GNAQ: variants seen among roughly 807,000 people sequenced by gnomAD.
GNAQ encodes the protein G protein subunit alpha q.
GNAQ carries 8 observed loss-of-function variants against 43.9 expected under a neutral mutation model. That is an observed-to-expected ratio of 0.18 (90% CI 0.11 to 0.33). GNAQ has a LOEUF of 0.33. Among genes scored for constraint, GNAQ ranks in the 10% least tolerant of loss-of-function variants. GNAQ has a pLI of 1.00. For missense variants in GNAQ, 158 were observed against 450.8 expected, an observed-to-expected ratio of 0.35 and a Z score of 5.88; for synonymous variants, 155 against 170.7, an observed-to-expected ratio of 0.91 and a Z score of 0.71.
chr9:77,818,743 T>A (rs1022606801), intron 2 of GNAQ, among the ~76,000 whole-genome samples: 2 of 152,150 alleles, frequency 1.3e-5, no homozygotes, highest in African/African-American at 4.8e-5. Flanking sequence ...CTCATGCCTG[T>A]AATCCTAGCA....
intron 5 of GNAQ, among the ~76,000 whole-genome samples, chr9:77,792,753 A>C (rs1826595566): frequency 6.6e-6 from 1 of 152,280 alleles, no homozygotes; most frequent in Non-Finnish European, 1.5e-5. Context: ...TCTAGCTATA[A>C]TGTAAACATC....
chr9:77,851,039 G>T (rs1827668459), intron 2 of GNAQ, among the ~76,000 whole-genome samples: 1 of 152,150 alleles, frequency 6.6e-6, no homozygotes, highest in Admixed American at 6.5e-5. Context: ...GGAAAAAAAA[G>T]ATGTCACCCA....
intron 1 of GNAQ, among the ~76,000 whole-genome samples, chr9:77,934,327 G>A (rs922289111): frequency 4.6e-5 from 7 of 152,082 alleles, no homozygotes; most frequent in African/African-American, 1.4e-4. Flanking sequence ...AATTTCTCAC[G>A]AGAACGTCAC....
chr9:77,945,956 T>C (rs1368098814), intron 1 of GNAQ, among the ~76,000 whole-genome samples: 1 of 152,214 alleles, frequency 6.6e-6, no homozygotes, highest in Non-Finnish European at 1.5e-5. Flanking sequence ...CCACACTTCC[T>C]GAATTGCAGG....
intron 1 of GNAQ, among the ~76,000 whole-genome samples, chr9:77,934,575 A>G (rs1829204676): frequency 6.6e-6 from 1 of 152,200 alleles, no homozygotes; most frequent in African/African-American, 2.4e-5. Context: ...AAAAATACGC[A>G]GATTTTCAGA....
chr9:77,997,927 T>C (rs1823593969), intron 1 of GNAQ, among the ~76,000 whole-genome samples: 1 of 152,200 alleles, frequency 6.6e-6, no homozygotes, highest in African/African-American at 2.4e-5. Context: ...CCACATCAGG[T>C]GCCTTGGGCC....
chr9:77,813,344 T>A lies in GNAQ; in HGVS notation c.476+2272A>T, dbSNP rs1481889138. The stretch of plus-strand genomic sequence containing the variant: ...GCTAGAGGGCCCCACGTTTTGGTCT[T>A]GCTTTATCGTAAGGAGTGTGCCCGT... On this transcript the variant is annotated intron_variant, in intron 3 of 6. Coordinates refer to ENST00000286548, the MANE Select transcript of GNAQ (RefSeq NM_002072.5). 2.0e-5 allele frequency among the ~76,000 whole-genome samples: 3 copies of A among 152,206 alleles called. No homozygotes were observed. In the East Asian group the frequency reaches 5.8e-4, roughly 29 times the overall value.
At chr9:77,727,273 C>G (rs1309762045) in intron 6 of GNAQ, among the ~76,000 whole-genome samples, 2 of 152,096 alleles carry the variant, frequency 1.3e-5, no homozygotes, top group Admixed American at 6.5e-5. Flanking sequence ...TCACCTCAGT[C>G]TCCCAAAGTG....
intron 5 of GNAQ, among the ~76,000 whole-genome samples, chr9:77,792,052 A>T (rs1587918441): frequency 1.6e-5 from 2 of 127,160 alleles, no homozygotes; most frequent in Non-Finnish European, 3.7e-5. Context: ...ATGAGACTAC[A>T]TCCCAACATT....
At chr9:77,997,408 GCT>G (rs1259942170) in intron 1 of GNAQ, among the ~76,000 whole-genome samples, 4 of 152,128 alleles carry the variant, frequency 2.6e-5, no homozygotes, top group Admixed American at 2.6e-4. Flanking sequence ...GTGACCTCCA[GCT>G]CCAACTTCCT....
chr9:77,780,166 T>A (rs1303654721), intron 5 of GNAQ, among the ~76,000 whole-genome samples: 1 of 151,940 alleles, frequency 6.6e-6, no homozygotes, highest in Admixed American at 6.6e-5. Flanking sequence ...TTTCAAAATA[T>A]ATAACATTTT....
intron 5 of GNAQ, among the ~76,000 whole-genome samples, chr9:77,737,887 C>A (rs1440016472): frequency 1.3e-5 from 2 of 152,156 alleles, no homozygotes; most frequent in African/African-American, 2.4e-5. Context: ...TTGCTCAGGT[C>A]CGCTTAGTAT....
chr9:77,836,840 T>C (rs1341623855), intron 2 of GNAQ, among the ~76,000 whole-genome samples: 1 of 152,212 alleles, frequency 6.6e-6, no homozygotes, highest in East Asian at 1.9e-4. Flanking sequence ...TATGTTTAAA[T>C]AGTTGACAGT....
chr9:78,024,668 G>C (rs895292090), intron 1 of GNAQ, among the ~76,000 whole-genome samples: 1 of 152,158 alleles, frequency 6.6e-6, no homozygotes, highest in Non-Finnish European at 1.5e-5. Flanking sequence ...GTCAGTACGA[G>C]GACATCAGCT....
rs143933481 is a variant in GNAQ, at chr9:77,871,764, A to G, written c.321+50397T>C. Among the ~76,000 whole-genome samples, 32 of 152,230 alleles carry G rather than the reference A, an allele frequency of 2.1e-4. No homozygotes were observed. The East Asian group carries it at 5.8e-3, about 28-fold the overall frequency. ...ATCACTTTTTTCTGATCTATAATAGAATTGCAGAATTTTACTACCTAAGTG... is the reference window on the plus strand; with the variant it reads ...ATCACTTTTTTCTGATCTATAATAGGATTGCAGAATTTTACTACCTAAGTG... On this transcript the variant is annotated intron_variant, in intron 2 of 6. Transcript: ENST00000286548.
intron 1 of GNAQ, among the ~76,000 whole-genome samples, chr9:78,000,378 G>C (rs1823628933): frequency 6.6e-6 from 1 of 152,148 alleles, no homozygotes; most frequent in African/African-American, 2.4e-5. Context: ...ATATCATTAA[G>C]AAAGATTATG....
chr9:77,927,580 A>T (rs1201095050), intron 1 of GNAQ, among the ~76,000 whole-genome samples: 1 of 152,146 alleles, frequency 6.6e-6, no homozygotes, highest in East Asian at 1.9e-4. Context: ...CTCTGAAGAA[A>T]AAAAAGGGGG....
At chr9:78,008,602 TTCATTTCATTTCA>T (rs1158290341) in intron 1 of GNAQ, among the ~76,000 whole-genome samples, 5 of 146,428 alleles carry the variant, frequency 3.4e-5, no homozygotes, top group African/African-American at 1.4e-4. Flanking sequence ...TTCATTTCAT[TTCATTTCATTTCA>T]TTTCATTTTA....
At chr9:77,736,188 C>T (rs969239678) in intron 5 of GNAQ, among the ~76,000 whole-genome samples, 20 of 152,280 alleles carry the variant, frequency 1.3e-4, no homozygotes, top group Middle Eastern at 3.4e-3. Context: ...ATTTTCCTTA[C>T]GTAGAGAATG....
Sources: allele counts gnomAD v4.1 joint callset (sites outside exome capture counted in the v4.1 genomes callset), GRCh38; gene constraint gnomAD v4.1.1; transcripts MANE v1.5; gene names NCBI Gene and HGNC (gene_info 2026-07-23, HGNC 2026-07-21).